LAMB1: variants seen among roughly 807,000 people sequenced by gnomAD.
The protein encoded by LAMB1 is laminin subunit beta-1.
Under a neutral mutation model 222.3 loss-of-function variants are expected in LAMB1, and 121 were observed. The observed-to-expected ratio is 0.54, with a 90% CI of 0.47 to 0.63. LAMB1 has a LOEUF of 0.63. Among genes scored for constraint, LAMB1 ranks in the 30% least tolerant of loss-of-function variants. The pLI, the probability that LAMB1 is intolerant of heterozygous loss-of-function variation, is 0.00. For missense variants in LAMB1, 2,172 were observed against 2,240.8 expected (o/e 0.97, Z 0.62); for synonymous variants, 794 against 807.2 (o/e 0.98, Z 0.28).
chr7:107,940,428 G>C, intron 24 of LAMB1, 70 bp from the exon 25 acceptor site: 1 of 1,484,792 alleles, frequency 6.7e-7, no homozygotes, highest in Non-Finnish European at 9.2e-7. Context: ...GTGGCATTTA[G>C]AATACTCACT....
At chr7:107,979,068 A>G (rs771627970) in intron 8 of LAMB1, among the ~76,000 whole-genome samples, 16 of 152,248 alleles carry the variant, frequency 1.1e-4, no homozygotes, top group Non-Finnish European at 2.1e-4. Context: ...AACCAGTTCC[A>G]AAGCACATAC....
intron 24 of LAMB1, among the ~76,000 whole-genome samples, chr7:107,950,464 A>C (rs1388358625): frequency 6.6e-6 from 1 of 152,226 alleles, no homozygotes; most frequent in Non-Finnish European, 1.5e-5. Context: ...GGTCAAAAAA[A>C]CTGCAATACC....
chr7:107,926,484 C>A, intron 31 of LAMB1, 125 bp from the exon 32 acceptor site: 1 of 672,854 alleles, frequency 1.5e-6, no homozygotes. Context: ...GAAGTAATTA[C>A]TAAAAAGAAT....
chr7:107,939,960 G>A (rs1223021176), intron 25 of LAMB1, 29 bp downstream of exon 25: 4 of 1,598,050 alleles, frequency 2.5e-6, no homozygotes, highest in Middle Eastern at 1.7e-4. Context: ...AGCTTTATGA[G>A]TAATTCCTCT....
chr7:107,950,144 C>T (rs143048945), intron 24 of LAMB1, among the ~76,000 whole-genome samples: 32 of 152,064 alleles, frequency 2.1e-4, no homozygotes, highest in African/African-American at 7.2e-4. Flanking sequence ...GCAGGAGAAT[C>T]GCTTGAACCC....
intron 20 of LAMB1, among the ~76,000 whole-genome samples, chr7:107,956,459 G>A (rs562895332): frequency 5.9e-5 from 9 of 152,266 alleles, no homozygotes; most frequent in East Asian, 5.8e-4. Flanking sequence ...GGACCACTGC[G>A]TTCGAGTGAC....
chr7:108,000,198 CA>C (rs397938936), intron 3 of LAMB1, among the ~76,000 whole-genome samples: 76 of 146,610 alleles, frequency 5.2e-4, no homozygotes, highest in East Asian at 8.1e-4. Flanking sequence ...CACCAGAACT[CA>C]AAAAAAAAAA....
intron 15 of LAMB1, among the ~76,000 whole-genome samples, chr7:107,962,698 A>G (rs1326897310): frequency 7.2e-6 from 1 of 138,782 alleles, no homozygotes; most frequent in African/African-American, 2.8e-5. Flanking sequence ...TGGACAACAG[A>G]GCGAGACTCA....
chr7:107,933,053 T>A (rs976410598), intron 27 of LAMB1, among the ~76,000 whole-genome samples: 4 of 152,208 alleles, frequency 2.6e-5, no homozygotes, highest in Non-Finnish European at 5.9e-5. Flanking sequence ...CAAAGGTAGA[T>A]GAAGTGTTCC....
chr7:107,983,875 T>C (rs1412551000), intron 7 of LAMB1, among the ~76,000 whole-genome samples: 1 of 152,118 alleles, frequency 6.6e-6, no homozygotes, highest in Non-Finnish European at 1.5e-5. Context: ...AATTGTGTAA[T>C]AAGAGCAGTT....
In LAMB1 at chr7:108,001,660, G is replaced by A. The variant is rs746749332; in HGVS notation, c.111C>T (p.Pro37=). The A allele has an allele frequency of 3.1e-6, 5 of 1,612,562 alleles. No individual in the cohort carries two copies. Among genetic ancestry groups the A allele is most frequent in the Non-Finnish European group, 4.2e-6 (5 of 1,179,796 alleles). ...GGCCGATGAGAAGGTCGCCCGTGGC[G>A]GGATAGCAGCTGCCTTCTGCGCAGC... is the stretch of plus-strand genomic sequence containing the variant. ...SYGCAEGSCY[P]ATGDLLIGRA... is the part of the protein sequence containing the mutation. The change falls in exon 3 of 34, where the codon CCC becomes CCT. Residue 37 remains proline, a synonymous_variant. Transcript: ENST00000222399.
intron 24 of LAMB1, among the ~76,000 whole-genome samples, chr7:107,946,623 C>T (rs2033121888): frequency 6.6e-6 from 1 of 152,242 alleles, no homozygotes; most frequent in South Asian, 2.1e-4. Context: ...TAGCCTACCT[C>T]TTCTGAGAAC....
intron 12 of LAMB1, among the ~76,000 whole-genome samples, chr7:107,973,486 T>G (rs1433749426): frequency 6.6e-6 from 1 of 152,184 alleles, no homozygotes; most frequent in South Asian, 2.1e-4. Flanking sequence ...CAAGAATTTA[T>G]GTGGAAATGT....
rs892547896 is a variant in LAMB1, at chr7:107,940,442, C to T, written c.3392-84G>A. The T allele has an allele frequency of 1.4e-4, 201 of 1,413,472 alleles. 2 individuals are homozygous for T. The African/African-American group carries it at 2.6e-3, about 18-fold the overall frequency. 87.6% of individuals were successfully genotyped at this position (1,413,472 alleles called of 1,614,324 possible). On this transcript the variant is annotated intron_variant, in intron 24 of 33. Transcript: ENST00000222399. The stretch of plus-strand genomic sequence containing the variant: ...TGTGGCATTTAGAATACTCACTTCA[C>T]TGTGAAAATGGGAAGGTGTCAACCA...
chr7:107,997,216 G>A (rs2034296527), intron 4 of LAMB1, among the ~76,000 whole-genome samples: 1 of 152,164 alleles, frequency 6.6e-6, no homozygotes, highest in Non-Finnish European at 1.5e-5. Flanking sequence ...GAGGTCAGGA[G>A]ATTGAGACCA....
chr7:107,932,063 G>T lies in LAMB1; in HGVS notation c.4392+111C>A, dbSNP rs557964810. The T allele has an allele frequency of 4.5e-5, 43 of 945,354 alleles. 1 individual carries two copies. In the East Asian group the frequency reaches 1.0e-3, roughly 23 times the overall value. The allele number at this position is 945,354 out of a possible 1,614,324, so 58.6% of individuals were successfully genotyped here. ...GAACTTTCATATTTGATTGTGATAT[G>T]CCCTTTTCATTTCAGTTAGCATTTA... On this transcript the variant is annotated intron_variant, in intron 28 of 33. Transcript: ENST00000222399.
Position 107,960,575 on chromosome 7 carries a change from G to T in LAMB1, c.2184C>A (p.Asn728Lys). 6.2e-7 allele frequency: 1 copy of T among 1,614,176 alleles called. No homozygotes were observed. Among genetic ancestry groups the T allele is most frequent in the Middle Eastern group, 1.6e-4 (1 of 6,062 alleles). ...ATCTCTGAAAGGTTTCCCAGGCACT[G>T]TTGGTGACCACCCCATCTCCTGAAC... ...VGGSGDGVVT[N>K]SAWETFQRYR... Residue 728 changes from asparagine (N) to lysine (K), a missense_variant, in exon 18 of 34, where the codon AAC becomes AAA. Physicochemically the swap from Asn to Lys is moderately conservative, Grantham distance 94. Transcript: ENST00000222399.
chr7:107,969,116 A>G (rs142992974), intron 13 of LAMB1, among the ~76,000 whole-genome samples: 6 of 152,160 alleles, frequency 3.9e-5, no homozygotes, highest in African/African-American at 1.4e-4. Context: ...GTGAAACCCC[A>G]TCTCCACTAA....
intron 14 of LAMB1, 74 bp from the exon 15 acceptor site, chr7:107,963,137 C>A: frequency 2.9e-6 from 4 of 1,368,028 alleles, no homozygotes; most frequent in Non-Finnish European, 4.0e-6. Context: ...CAAAGTAATC[C>A]GAAGTCACCC....
Sources: gnomAD v4.1 joint callset for allele counts (sites outside exome capture counted in the v4.1 genomes callset) on GRCh38, gnomAD v4.1.1 for gene constraint, MANE v1.5 for transcripts, NCBI Gene and HGNC (gene_info 2026-07-23, HGNC 2026-07-21) for gene names.